Variants in SMC2 observed in about 807,000 individuals in gnomAD.
SMC2 encodes structural maintenance of chromosomes protein 2.
A neutral mutation model predicts 142.6 loss-of-function variants in SMC2; 41 were observed. The observed-to-expected ratio is 0.29, with a 90% CI of 0.22 to 0.37. The LOEUF is 0.37. SMC2 is among the 10% of genes least tolerant of loss of function. The pLI, the probability that SMC2 is intolerant of heterozygous loss-of-function variation, is 1.00. For synonymous variants in SMC2, 463 were observed against 457.5 expected (o/e 1.01, Z -0.15); for missense variants, 1,265 against 1,373.7 (o/e 0.92, Z 1.25).
chr9:104,089,169 T>C, the SMC2 span, among the ~76,000 whole-genome samples: 1 of 152,124 alleles, frequency 6.6e-6, no homozygotes, highest in African/African-American at 2.4e-5. Flanking sequence ...AACATATACA[T>C]ATATATAGTA....
chr9:104,116,082 T>C, intron 13 of SMC2, 118 bp from the exon 14 acceptor site: 2 of 851,126 alleles, frequency 2.3e-6, no homozygotes, highest in South Asian at 2.1e-5. Flanking sequence ...TATGTAATTA[T>C]AACTTGATTG....
chr9:104,130,796 C>G (rs1409284100), intron 21 of SMC2, among the ~76,000 whole-genome samples: 5 of 152,068 alleles, frequency 3.3e-5, no homozygotes, highest in Non-Finnish European at 7.4e-5. Context: ...AACTTGTTCA[C>G]TTTTACTCGT....
At chr9:104,137,108 A>G (rs929148066) in intron 23 of SMC2, among the ~76,000 whole-genome samples, 1 of 152,110 alleles carries the variant, frequency 6.6e-6, no homozygotes, top group Non-Finnish European at 1.5e-5. Flanking sequence ...AGATTGTGCT[A>G]CTGCACTTCA....
At chr9:104,133,832 T>TA (rs1318900291) in intron 22 of SMC2, among the ~76,000 whole-genome samples, 3 of 152,150 alleles carry the variant, frequency 2.0e-5, no homozygotes, top group Non-Finnish European at 4.4e-5. Context: ...AGATGAGGCA[T>TA]GTAGAAAAGA....
rs555673706 is a variant in SMC2, at chr9:104,129,526, T to C, written c.2791-119T>C. 3 of 811,994 alleles carry C rather than the reference T, an allele frequency of 3.7e-6. No homozygotes were observed. In the Admixed American group the frequency reaches 7.1e-5, roughly 19 times the overall value. 50.3% of individuals were successfully genotyped at this position (811,994 alleles called of 1,614,324 possible). On this transcript the variant is annotated intron_variant, in intron 20 of 24. Transcript: ENST00000374793. ...TCAAAAAAAAAAAAAAAATTAGTCATTGAAGGTTTTTTCCTCTTCAGTATT... is the reference window on the plus strand; with the variant it reads ...TCAAAAAAAAAAAAAAAATTAGTCACTGAAGGTTTTTTCCTCTTCAGTATT...
At position 104,138,079 on chromosome 9, in the gene SMC2, A is replaced by C; in HGVS notation, c.3331A>C (p.Ile1111Leu). The C allele has an allele frequency of 1.9e-6, 3 of 1,610,306 alleles. No individual in the cohort carries two copies. Among genetic ancestry groups the C allele is most frequent in the Non-Finnish European group, 2.5e-6 (3 of 1,177,542 alleles). Reference protein sequence around the residue: ...MLLFKPAPIYILDEVDAALDL... With the variant: ...MLLFKPAPIYLLDEVDAALDL... The stretch of plus-strand genomic sequence containing the variant: ...TCTCTTCAAACCTGCTCCAATTTAT[A>C]TCCTTGATGAGGTAGATGCAGCCTT... Residue 1111 changes from isoleucine to leucine, a missense_variant, in exon 24 of 25, where the codon ATC (isoleucine) becomes CTC (leucine). Physicochemically the swap from Ile to Leu is conservative, Grantham distance 5 (BLOSUM62 2). Coordinates refer to ENST00000374793, the MANE Select transcript of SMC2 (RefSeq NM_006444.3).
chr9:104,135,812 A>G (rs1835467521), intron 23 of SMC2: 1 of 518,454 alleles, frequency 1.9e-6, no homozygotes, highest in Non-Finnish European at 3.9e-6. Flanking sequence ...TCAACTTAGA[A>G]TTGTATATCT....
chr9:104,105,326 G>A (rs956697433), intron 9 of SMC2, among the ~76,000 whole-genome samples: 10 of 152,128 alleles, frequency 6.6e-5, no homozygotes, highest in Non-Finnish European at 1.0e-4. Context: ...GGATCCCACC[G>A]TCTGCCCGCT....
At chr9:104,100,293 G>T (rs1457075693) in intron 6 of SMC2, 90 bp downstream of exon 6, 2 of 1,383,610 alleles carry the variant, frequency 1.4e-6, no homozygotes, top group Non-Finnish European at 2.0e-6. Flanking sequence ...TTTTTTCCTT[G>T]GTTCAGTTTT....
chr9:104,133,452 A>G (rs915386937), intron 22 of SMC2, among the ~76,000 whole-genome samples: 3 of 152,132 alleles, frequency 2.0e-5, no homozygotes, highest in Admixed American at 6.6e-5. Flanking sequence ...GCTTGTGTCT[A>G]TGAGATTTTC....
rs541875209 is a variant in SMC2 at position 104,122,677 on chromosome 9, T to A, written c.2133-431T>A. ...AAAACTATTTTTCTTACACTAAAAG[T>A]AGGGAACATTATTATTATTTTTAAC... is the stretch of plus-strand genomic sequence containing the variant. On this transcript the variant is annotated intron_variant, in intron 16 of 24. Transcript: ENST00000374793. 3.9e-5 allele frequency among the ~76,000 whole-genome samples: 6 copies of A among 152,240 alleles called. No homozygotes were observed. The South Asian group carries it at 6.2e-4, about 16-fold the overall frequency.
In SMC2 at chr9:104,096,191, A is replaced by C; in HGVS notation, c.212A>C (p.Gln71Pro). The change falls in exon 3 of 25, where the codon CAG becomes CCG. Residue 71 changes from glutamine (Q) to proline (P), a missense_variant. Gln to Pro is a moderately conservative substitution (Grantham distance 76). Transcript: ENST00000374793. ...CAAGATTTAGTTTACAAAAATGGGC[A>C]GGCTGGTATTACCAAAGCCTCTGTG... Reference protein sequence around the residue: ...NLQDLVYKNGQAGITKASVSI... With the variant: ...NLQDLVYKNGPAGITKASVSI... 6.2e-7 allele frequency: 1 copy of C among 1,613,942 alleles called. No homozygotes were observed. Among genetic ancestry groups the C allele is most frequent in the African/African-American group, 1.3e-5 (1 of 75,062 alleles).
intron 9 of SMC2, among the ~76,000 whole-genome samples, chr9:104,107,040 T>C (rs1428860139): frequency 6.6e-6 from 1 of 152,198 alleles, no homozygotes; most frequent in African/African-American, 2.4e-5. Context: ...GCATCCCCTG[T>C]GGTTTGTTTG....
intron 22 of SMC2, among the ~76,000 whole-genome samples, chr9:104,133,347 C>A (rs1012095601): frequency 6.6e-6 from 1 of 152,090 alleles, no homozygotes; most frequent in African/African-American, 2.4e-5. Flanking sequence ...CACACTTGGC[C>A]TAGAACCTGC....
intron 3 of SMC2, among the ~76,000 whole-genome samples, chr9:104,096,892 G>A (rs973208494): frequency 1.3e-5 from 2 of 152,102 alleles, no homozygotes; most frequent in Non-Finnish European, 2.9e-5. Flanking sequence ...CCCTGCTCCT[G>A]CATTCATCTA....
At chr9:104,132,295 G>C (rs535176142) in intron 22 of SMC2, among the ~76,000 whole-genome samples, 170 bp downstream of exon 22, 1 of 151,984 alleles carries the variant, frequency 6.6e-6, no homozygotes, top group Admixed American at 6.6e-5. Context: ...TTTTGAACTT[G>C]ACTACTACCA....
Position 104,125,602 on chromosome 9 carries a change from G to A in SMC2, c.2451+497G>A, listed in dbSNP as rs1426792274. 2.0e-5 allele frequency among the ~76,000 whole-genome samples: 3 copies of A among 152,140 alleles called. 1 individual carries two copies. The stretch of plus-strand genomic sequence containing the variant: ...TTCAAGAGTGGATGGCCTTTCTTCA[G>A]GAGTGGATTATTTGATATTCTGGAT... On this transcript the variant is annotated intron_variant, in intron 18 of 24. Coordinates refer to ENST00000374793, the MANE Select transcript of SMC2 (RefSeq NM_006444.3).
upstream of SMC2, chr9:104,092,541 A>T (rs1207728545): frequency 6.6e-6 from 1 of 152,256 alleles, no homozygotes; most frequent in Admixed American, 6.5e-5. Flanking sequence ...AGTTAACAGA[A>T]TCAATACAAG....
In SMC2 at chr9:104,107,915, G is replaced by A. The variant is rs550124869; in HGVS notation, c.1021-3666G>A. 3.3e-5 allele frequency among the ~76,000 whole-genome samples: 5 copies of A among 152,310 alleles called. No individual in the cohort carries two copies. In the East Asian group the frequency reaches 9.7e-4, roughly 29 times the overall value. On this transcript the variant is annotated intron_variant, in intron 9 of 24. Transcript: ENST00000374793. ...TTAAGAGGTTTTGGGTAAGTCTTGAGTAACTTATGAGGTCTTAGGTGGCAG... is the reference window on the plus strand; with the variant it reads ...TTAAGAGGTTTTGGGTAAGTCTTGAATAACTTATGAGGTCTTAGGTGGCAG...
Sources: gnomAD v4.1 joint callset for allele counts (sites outside exome capture counted in the v4.1 genomes callset) on GRCh38, gnomAD v4.1.1 for gene constraint, MANE v1.5 for transcripts, NCBI Gene and HGNC (gene_info 2026-07-23, HGNC 2026-07-21) for gene names.